Variants in GALNT9 observed in about 807,000 individuals in gnomAD.
The protein encoded by GALNT9 is GalNAc transferase 9.
In GALNT9, 47 loss-of-function variants were observed where a neutral mutation model predicts 63.1. The ratio of observed to expected loss-of-function variants is 0.75; its 90% CI spans 0.59 to 0.95. The LOEUF (loss-of-function observed/expected upper bound fraction) is 0.95, where lower values mean the gene tolerates loss of function less well. Ranked by LOEUF, GALNT9 falls within the 40% of genes least tolerant of loss-of-function variation. GALNT9 has a pLI of 0.00. For synonymous variants in GALNT9, 396 were observed against 365.7 expected, an observed-to-expected ratio of 1.08 and a Z score of -0.94; for missense variants, 829 against 874.8, an observed-to-expected ratio of 0.95 and a Z score of 0.66.
At chr12:132,257,664 C>A in intron 5 of GALNT9, 25 bp downstream of exon 5, 1 of 1,532,674 alleles carries the variant, frequency 6.5e-7, no homozygotes. Context: ...CAGGGCCGCC[C>A]TCGACCCCTG....
intron 1 of GALNT9, among the ~76,000 whole-genome samples, chr12:132,289,308 G>C (rs903883776): frequency 2.0e-5 from 3 of 151,986 alleles, no homozygotes; most frequent in Admixed American, 6.6e-5. Context: ...TTGATCTTTT[G>C]TCGTGCCATG....
chr12:132,198,614 G>C (rs750733104), intron 9 of GALNT9, among the ~76,000 whole-genome samples: 8 of 152,130 alleles, frequency 5.3e-5, no homozygotes, highest in East Asian at 1.9e-4. Context: ...CTTGACTGAG[G>C]GGGGAGTGAT....
At chr12:132,304,377 G>A (rs1301622822) in intron 1 of GALNT9, among the ~76,000 whole-genome samples, 305 of 57,784 alleles carry the variant, frequency 5.3e-3, no homozygotes, top group East Asian at 0.018. Flanking sequence ...CCTCACCCGG[G>A]CACACCCTCA....
At chr12:132,221,658 CAAAAAA>C (rs761220333) in intron 6 of GALNT9, among the ~76,000 whole-genome samples, 1 of 79,634 alleles carries the variant, frequency 1.3e-5, no homozygotes, top group African/African-American at 5.2e-5. Flanking sequence ...GAGACGTTCT[CAAAAAA>C]AAAAAAAAAA....
At chr12:132,250,723 G>A (rs368074815) in intron 5 of GALNT9, among the ~76,000 whole-genome samples, 8 of 152,182 alleles carry the variant, frequency 5.3e-5, no homozygotes, top group African/African-American at 1.4e-4. Context: ...CCTGGGAGGC[G>A]GAGGTTGCAG....
chr12:132,323,358 C>T (rs782656150), intron 1 of GALNT9, among the ~76,000 whole-genome samples: 6 of 152,204 alleles, frequency 3.9e-5, no homozygotes, highest in Non-Finnish European at 7.3e-5. Flanking sequence ...AGAAGGCTGC[C>T]GACCGGGCCT....
At position 132,203,497 on chromosome 12, in the gene GALNT9, G is replaced by T; in HGVS notation, c.1263+8C>A. 1 of 1,613,238 alleles carries T rather than the reference G, an allele frequency of 6.2e-7. No homozygotes were observed. Among genetic ancestry groups the T allele is most frequent in the Non-Finnish European group, 8.5e-7 (1 of 1,179,426 alleles). On this transcript the variant is annotated splice_region_variant and intron_variant, in intron 7 of 10. Transcript: ENST00000328957. Reference sequence around the variant, plus strand: ...ATGGCCCCGGCTCCCGGCCTGTGGGGGACTCACCGACATGGGGATGTTCCA... The same window carrying T: ...ATGGCCCCGGCTCCCGGCCTGTGGGTGACTCACCGACATGGGGATGTTCCA...
intron 1 of GALNT9, among the ~76,000 whole-genome samples, chr12:132,302,634 T>C (rs951342164): frequency 2.0e-5 from 3 of 152,166 alleles, no homozygotes; most frequent in African/African-American, 7.2e-5. Context: ...TCATGCCCCA[T>C]CATGCCCACA....
At chr12:132,199,400 C>T in intron 8 of GALNT9, 131 bp from the exon 9 acceptor site, 2 of 660,044 alleles carry the variant, frequency 3.0e-6, no homozygotes, top group Non-Finnish European at 5.2e-6. Context: ...GTGTGGGATG[C>T]TCTGGCCGGG....
At chr12:132,249,771 G>A (rs1195914255) in intron 5 of GALNT9, among the ~76,000 whole-genome samples, 1 of 152,250 alleles carries the variant, frequency 6.6e-6, no homozygotes. Flanking sequence ...GCTGGAACTG[G>A]ATTGACTTGC....
intron 6 of GALNT9, among the ~76,000 whole-genome samples, chr12:132,213,018 C>T (rs1409679881): frequency 1.4e-5 from 2 of 147,040 alleles, no homozygotes; most frequent in African/African-American, 2.5e-5. Flanking sequence ...AAACCCCACC[C>T]GAGTCTACAG....
At chr12:132,255,698 G>C in intron 5 of GALNT9, among the ~76,000 whole-genome samples, 1 of 152,316 alleles carries the variant, frequency 6.6e-6, no homozygotes, top group African/African-American at 2.4e-5. Flanking sequence ...CGGTCCTCCC[G>C]CCTTTTGGAC....
chr12:132,295,845 G>A (rs1032158966), intron 1 of GALNT9, among the ~76,000 whole-genome samples: 3 of 146,580 alleles, frequency 2.0e-5, no homozygotes, highest in African/African-American at 7.6e-5. Context: ...GAGAGCCTCC[G>A]AACAGGGACG....
chr12:132,301,573 C>T (rs1179114889), intron 1 of GALNT9, among the ~76,000 whole-genome samples: 1 of 152,270 alleles, frequency 6.6e-6, no homozygotes, highest in Non-Finnish European at 1.5e-5. Context: ...GCTGTGCGAA[C>T]ATTCACCGCC....
chr12:132,215,307 G>A (rs752414555), intron 6 of GALNT9, among the ~76,000 whole-genome samples: 9 of 152,242 alleles, frequency 5.9e-5, no homozygotes, highest in Non-Finnish European at 1.0e-4. Context: ...CAGCCCTCCT[G>A]TCGGGCTGTA....
chr12:132,314,667 C>T (rs28392561), intron 1 of GALNT9, among the ~76,000 whole-genome samples: 24,156 of 152,242 alleles, frequency 0.16, 2,075 homozygotes, highest in African/African-American at 0.2. Flanking sequence ...CTGCTGCCCC[C>T]CTGCCTGACT....
At chr12:132,214,726 T>C (rs1160054353) in intron 6 of GALNT9, among the ~76,000 whole-genome samples, 1 of 152,188 alleles carries the variant, frequency 6.6e-6, no homozygotes, top group Non-Finnish European at 1.5e-5. Context: ...CCCCCTTCTC[T>C]GGGATCCGTG....
At chr12:132,270,287 G>A (rs1206300145) in intron 2 of GALNT9, among the ~76,000 whole-genome samples, 2 of 152,180 alleles carry the variant, frequency 1.3e-5, no homozygotes, top group Non-Finnish European at 2.9e-5. Context: ...GTGTCTCCCT[G>A]AAATAGCCCC....
At chr12:132,324,262 C>T (rs1555246345) in intron 1 of GALNT9, among the ~76,000 whole-genome samples, 1 of 152,150 alleles carries the variant, frequency 6.6e-6, no homozygotes, top group Non-Finnish European at 1.5e-5. Flanking sequence ...GAGTGGGGGC[C>T]GCAGGACATT....
Sources: gnomAD v4.1 joint callset for allele counts (sites outside exome capture counted in the v4.1 genomes callset) on GRCh38, gnomAD v4.1.1 for gene constraint, MANE v1.5 for transcripts, NCBI Gene and HGNC (gene_info 2026-07-23, HGNC 2026-07-21) for gene names.